The following MAMDC2 variants were observed in gnomAD, a reference collection of about 807,000 sequenced individuals.
The protein encoded by MAMDC2 is MAM domain-containing protein 2.
A neutral mutation model predicts 89.8 loss-of-function variants in MAMDC2; 57 were observed. The ratio of observed to expected loss-of-function variants is 0.63; its 90% CI spans 0.51 to 0.79. The LOEUF is 0.79. Ranked by LOEUF, MAMDC2 falls within the 30% of genes least tolerant of loss-of-function variation. The pLI is 0.00. For synonymous variants in MAMDC2, 313 were observed against 293.4 expected (o/e 1.07, Z -0.68); for missense variants, 800 against 820.6 (o/e 0.97, Z 0.31).
chr9:70,092,818 A>C (rs1436448398), intron 2 of MAMDC2: 6 of 152,150 alleles, frequency 3.9e-5, no homozygotes, highest in African/African-American at 1.4e-4. Context: ...CATTTTACAG[A>C]TATCATGAGG....
intron 2 of MAMDC2, among the ~76,000 whole-genome samples, chr9:70,054,770 T>G (rs1438935842): frequency 6.6e-6 from 1 of 152,114 alleles, no homozygotes; most frequent in Non-Finnish European, 1.5e-5. Flanking sequence ...ACCCGTATAA[T>G]TCCAAGTACC....
chr9:70,163,316 C>G (rs529249504), intron 9 of MAMDC2, among the ~76,000 whole-genome samples: 1 of 148,430 alleles, frequency 6.7e-6, no homozygotes, highest in Admixed American at 6.9e-5. Context: ...GCAACCTTTG[C>G]CTCCTGGGTT....
intron 9 of MAMDC2, among the ~76,000 whole-genome samples, chr9:70,152,170 A>G (rs2031602522): frequency 6.6e-6 from 1 of 151,980 alleles, no homozygotes; most frequent in Admixed American, 6.6e-5. Flanking sequence ...GCTTTCTCCT[A>G]TTTGCAGTTA....
chr9:70,179,528 A>AAAATAAAT (rs201699305), intron 11 of MAMDC2, among the ~76,000 whole-genome samples: 6 of 85,122 alleles, frequency 7.0e-5, no homozygotes, highest in South Asian at 3.7e-4. Context: ...CGTCTCAAAA[A>AAAATAAAT]AAATAAATAA....
chr9:70,074,781 A>G (rs1234024680), intron 2 of MAMDC2, among the ~76,000 whole-genome samples: 2 of 152,248 alleles, frequency 1.3e-5, no homozygotes, highest in Admixed American at 1.3e-4. Context: ...AGATCCTGGA[A>G]GTAATGAAAA....
intron 7 of MAMDC2, among the ~76,000 whole-genome samples, 176 bp downstream of exon 7, chr9:70,131,788 C>T (rs1287451212): frequency 2.0e-5 from 3 of 152,182 alleles, no homozygotes; most frequent in African/African-American, 7.2e-5. Context: ...TCCTCCCTCA[C>T]AGAGGGAATC....
chr9:70,147,002 T>A (rs2031426519), intron 9 of MAMDC2, among the ~76,000 whole-genome samples: 2 of 149,238 alleles, frequency 1.3e-5, no homozygotes, highest in Non-Finnish European at 3.0e-5. Context: ...ACGCCTGTAA[T>A]CCTAGCACTT....
At chr9:70,127,185 G>A (rs1404542339) in intron 6 of MAMDC2, among the ~76,000 whole-genome samples, 1 of 152,112 alleles carries the variant, frequency 6.6e-6, no homozygotes, top group Admixed American at 6.5e-5. Flanking sequence ...CAGCCAAGTA[G>A]ATAAAATTAT....
At chr9:70,048,094 T>C (rs536426488) in intron 2 of MAMDC2, among the ~76,000 whole-genome samples, 21 of 152,286 alleles carry the variant, frequency 1.4e-4, no homozygotes, top group Admixed American at 4.6e-4. Flanking sequence ...CCCAGTTTTG[T>C]CTACTTTCTC....
At chr9:70,185,232 C>T (rs1358597796) in intron 11 of MAMDC2, among the ~76,000 whole-genome samples, 4 of 152,348 alleles carry the variant, frequency 2.6e-5, no homozygotes, top group South Asian at 2.1e-4. Context: ...GCAAAGATTG[C>T]TGCTTGCTCC....
chr9:70,065,950 T>C (rs1239896179), intron 2 of MAMDC2, among the ~76,000 whole-genome samples: 1 of 152,216 alleles, frequency 6.6e-6, no homozygotes, highest in Non-Finnish European at 1.5e-5. Context: ...AGAGAATCTA[T>C]TGATACCCAC....
intron 2 of MAMDC2, among the ~76,000 whole-genome samples, chr9:70,047,192 C>CTTTTTTTTT (rs11421160): frequency 6.9e-6 from 1 of 145,864 alleles, no homozygotes; most frequent in Non-Finnish European, 1.5e-5. Context: ...ACATGCACTT[C>CTTTTTTTTT]TTTTTTTTTT....
chr9:70,190,843 C>A (rs1413207280), intron 11 of MAMDC2, among the ~76,000 whole-genome samples: 1 of 152,096 alleles, frequency 6.6e-6, no homozygotes, highest in Non-Finnish European at 1.5e-5. Flanking sequence ...TAAATAAAGG[C>A]AAGCCCTGAG....
At position 70,109,745 on chromosome 9, in the gene MAMDC2, A is replaced by G; in HGVS notation, c.446A>G (p.Gln149Arg). 2 of 1,614,022 alleles carry G rather than the reference A, an allele frequency of 1.2e-6. No individual in the cohort carries two copies. Among genetic ancestry groups the G allele is most frequent in the Non-Finnish European group, 1.7e-6 (2 of 1,179,852 alleles). ...FKILIEGVLG[Q>R]GNTASIALFE... Reference sequence around the variant, plus strand: ...ATTTTAATAGAAGGTGTACTAGGACAGGGAAACACAGCCAGCATCGCACTA... The same window carrying G: ...ATTTTAATAGAAGGTGTACTAGGACGGGGAAACACAGCCAGCATCGCACTA... The change falls in exon 4 of 14, where the codon CAG becomes CGG. Residue 149 changes from glutamine (Q) to arginine (R), a missense_variant. By Grantham distance (43) the Gln-to-Arg change is conservative. Transcript: ENST00000377182.
At chr9:70,207,607 T>G (rs921293860) in intron 11 of MAMDC2, among the ~76,000 whole-genome samples, 1 of 152,208 alleles carries the variant, frequency 6.6e-6, no homozygotes, top group African/African-American at 2.4e-5. Flanking sequence ...TGGTAGTTTC[T>G]TTTGCTGTGC....
At chr9:70,081,131 G>A (rs1289265131) in intron 2 of MAMDC2, among the ~76,000 whole-genome samples, 1 of 152,102 alleles carries the variant, frequency 6.6e-6, no homozygotes, top group African/African-American at 2.4e-5. Context: ...CTGTTTGTTT[G>A]ACACAAAGGA....
rs1227923419 is a variant in MAMDC2 at position 70,109,792 on chromosome 9, G to A, written c.493G>A (p.Gly165Ser). ...IALFEIKMTTGYCIECDFEEN... is the reference protein window; with the variant it reads ...IALFEIKMTTSYCIECDFEEN... ...ACTATTTGAAATCAAGATGACAACC[G>A]GCTACTGTATTGGTAAGTGGGCTTC... The change falls in exon 4 of 14, where the codon GGC (glycine) becomes AGC (serine). Residue 165 changes from glycine (G) to serine (S), a missense_variant. Transcript: ENST00000377182. 25 of 1,613,272 alleles carry A rather than the reference G, an allele frequency of 1.5e-5. No individual in the cohort carries two copies. Among genetic ancestry groups the A allele is most frequent in the Non-Finnish European group, 1.9e-5 (22 of 1,179,352 alleles).
intron 11 of MAMDC2, among the ~76,000 whole-genome samples, chr9:70,189,532 A>T (rs889303956): frequency 6.6e-6 from 1 of 152,172 alleles, no homozygotes; most frequent in Non-Finnish European, 1.5e-5. Flanking sequence ...TTTGGCTTGT[A>T]ACAGTTAAAT....
At chr9:70,197,974 G>C (rs944595789) in intron 11 of MAMDC2, among the ~76,000 whole-genome samples, 1 of 152,126 alleles carries the variant, frequency 6.6e-6, no homozygotes, top group South Asian at 2.1e-4. Context: ...CACAAGAATA[G>C]TGAGTACAGT....
Sources: allele counts gnomAD v4.1 joint callset (sites outside exome capture counted in the v4.1 genomes callset), GRCh38; gene constraint gnomAD v4.1.1; transcripts MANE v1.5; gene names NCBI Gene and HGNC (gene_info 2026-07-23, HGNC 2026-07-21).